The following RWDD2B variants were observed in gnomAD, a reference collection of about 807,000 sequenced individuals.
RWDD2B encodes RWD domain containing 2B, also known as RWD domain-containing protein 2B.
A neutral mutation model predicts 33.6 loss-of-function variants in RWDD2B; 36 were observed. The observed-to-expected ratio is 1.07, with a 90% CI of 0.82 to 1.42. The LOEUF is 1.42. Among genes scored for constraint, RWDD2B ranks in the 40% most tolerant of loss-of-function variants. The probability of loss-of-function intolerance (pLI) is 0.00; values close to 1 mark genes in which losing one functional copy is unlikely to be tolerated. For synonymous variants in RWDD2B, 126 were observed against 133.1 expected (o/e 0.95, Z 0.37); for missense variants, 364 against 377.5 (o/e 0.96, Z 0.30).
At position 29,004,999 on chromosome 21, in the gene RWDD2B, A is replaced by G. The variant is rs1292144695; in HGVS notation, c.*1418T>C. On this transcript the variant is annotated 3_prime_UTR_variant, in exon 5 of 5. Transcript: ENST00000493196. Reference sequence around the variant, plus strand: ...AGTCTGACTGGTCAAGAAATATCCAACACCTGGTATCAACCTGCATCAACC... The same window carrying G: ...AGTCTGACTGGTCAAGAAATATCCAGCACCTGGTATCAACCTGCATCAACC... 1.3e-5 allele frequency: 2 copies of G among 152,184 alleles called. No homozygotes were observed. The highest frequency in any genetic ancestry group is 2.4e-5 in the African/African-American group (1 of 41,438). 9.4% of individuals were successfully genotyped at this position (152,184 alleles called of 1,614,324 possible).
rs2084836755 is a variant in RWDD2B at position 29,007,914 on chromosome 21, C to T, written c.572G>A (p.Trp191Ter). The T allele has an allele frequency of 1.2e-6, 2 of 1,614,082 alleles. No homozygotes were observed. Among genetic ancestry groups the T allele is most frequent in the Non-Finnish European group, 8.5e-7 (1 of 1,180,050 alleles). The change falls in exon 4 of 5, where the codon TGG (tryptophan) becomes TAG (stop). Residue 191 changes from tryptophan to a stop codon, truncating the protein, a stop_gained. Coordinates refer to ENST00000493196, the MANE Select transcript of RWDD2B (RefSeq NM_016940.3). LOFTEE classifies it high-confidence loss of function. Reference protein sequence around the residue: ...QSVDLIFTRLWIYSHHIYNKC... With the variant: ...QSVDLIFTRL ...GTTATAGATATGATGGCTGTAGATC[C>T]AGAGTCTCGTGAAGATGAGGTCAAC...
At chr21:29,006,758 A>G in intron 4 of RWDD2B, 107 bp from the exon 5 acceptor site, 1 of 672,716 alleles carries the variant, frequency 1.5e-6, no homozygotes, top group South Asian at 2.0e-5. Flanking sequence ...GAAGTAGTCT[A>G]CTTTTTAAAA....
chr21:29,017,386 C>T (rs372659189), intron 1 of RWDD2B, among the ~76,000 whole-genome samples: 3 of 151,508 alleles, frequency 2.0e-5, no homozygotes, highest in African/African-American at 4.8e-5. Context: ...ATGAGGTGGG[C>T]GGATCACCTA....
intron 1 of RWDD2B, among the ~76,000 whole-genome samples, chr21:29,012,025 T>C (rs201057355): frequency 0.044 from 4,656 of 104,972 alleles, 401 homozygotes; most frequent in Admixed American, 0.071. Flanking sequence ...AGCCGCCCTG[T>C]CCGGGAGGTG....
Position 29,013,737 on chromosome 21 carries a change from T to C in RWDD2B, c.68-5116A>G, listed in dbSNP as rs937593011. On this transcript the variant is annotated intron_variant, in intron 1 of 4. Coordinates refer to ENST00000493196, the MANE Select transcript of RWDD2B (RefSeq NM_016940.3). ...TAAAGATTAATACAGAAAAAGACGA[T>C]ATGTTTATAACGTAGAATTTTCCCT... Among the ~76,000 whole-genome samples the C allele has an allele frequency of 4.0e-5, 6 of 150,362 alleles. No individual in the cohort carries two copies. In the South Asian group the frequency reaches 6.3e-4, roughly 16 times the overall value.
In RWDD2B at chr21:29,006,442, A is replaced by T; in HGVS notation, c.935T>A (p.Met312Lys). 2 of 1,612,278 alleles carry T rather than the reference A, an allele frequency of 1.2e-6. No homozygotes were observed. The highest frequency in any genetic ancestry group is 1.7e-6 in the Non-Finnish European group (2 of 1,178,920). The change falls in exon 5 of 5, where the codon ATG (methionine) becomes AAG (lysine). Residue 312 changes from methionine to lysine, a missense_variant. By Grantham distance (95) the Met-to-Lys change is moderately conservative. Transcript: ENST00000493196. ...NTKGCGDVFQ[M>K]FFGVEGQ ...TCATTGTCCTTCTACACCAAAGAAC[A>T]TCTGGAAAACATCCCCACATCCTTT...
chr21:29,013,614 G>A (rs961725767), intron 1 of RWDD2B, among the ~76,000 whole-genome samples: 7 of 151,368 alleles, frequency 4.6e-5, no homozygotes, highest in Admixed American at 6.6e-5. Context: ...GCGTGAACTC[G>A]GGAGGCGGAG....
At chr21:29,019,188 G>A in intron 1 of RWDD2B, 23 bp downstream of exon 1, 4 of 1,579,824 alleles carry the variant, frequency 2.5e-6, no homozygotes, top group Non-Finnish European at 2.6e-6. Flanking sequence ...GTCACCACTG[G>A]CGCTAGCTGA....
chr21:29,017,058 A>C (rs1215829930), intron 1 of RWDD2B, among the ~76,000 whole-genome samples: 3 of 151,742 alleles, frequency 2.0e-5, no homozygotes, highest in Non-Finnish European at 1.5e-5. Flanking sequence ...TTTTTAGTAG[A>C]GACGGGGTTT....
intron 1 of RWDD2B, among the ~76,000 whole-genome samples, chr21:29,014,783 T>C (rs566948001): frequency 6.6e-6 from 1 of 152,176 alleles, no homozygotes; most frequent in Non-Finnish European, 1.5e-5. Context: ...ATACAGCCAC[T>C]GCACTCCAGC....
In RWDD2B at chr21:29,008,546, C is replaced by T. The variant is rs769026672; in HGVS notation, c.143G>A (p.Ser48Asn). 2 of 1,614,164 alleles carry T rather than the reference C, an allele frequency of 1.2e-6. No homozygotes were observed. The highest frequency in any genetic ancestry group is 2.2e-5 in the South Asian group (2 of 91,088). The change falls in exon 2 of 5, where the codon AGT (serine) becomes AAT (asparagine). Residue 48 changes from serine to asparagine, a missense_variant. Transcript: ENST00000493196. ...AQLAELDLLASMFPGENELIV... is the reference protein window; with the variant it reads ...AQLAELDLLANMFPGENELIV... The stretch of plus-strand genomic sequence containing the variant: ...GAGCTCATTCTCACCAGGGAACATA[C>T]TGGCTAGCAGGTCTAACTCAGCAAG...
chr21:29,008,610 A>G lies in RWDD2B; in HGVS notation c.79T>C (p.Cys27Arg), dbSNP rs756820087. ...EGATAQETYT[C>R]PKMIEMEQAE... ...TGCTCCATCTCAATCATTTTTGGAC[A>G]TGTGTAAGTTTCTAAGGAGGTAAAG... is the stretch of plus-strand genomic sequence containing the variant. Residue 27 changes from cysteine (C) to arginine (R), a missense_variant, in exon 2 of 5, where the codon TGT becomes CGT. Coordinates refer to ENST00000493196, the MANE Select transcript of RWDD2B (RefSeq NM_016940.3). The G allele has an allele frequency of 1.9e-6, 3 of 1,612,244 alleles. No individual in the cohort carries two copies. Among genetic ancestry groups the G allele is most frequent in the Non-Finnish European group, 2.5e-6 (3 of 1,179,486 alleles).
chr21:29,017,763 G>T (rs1340010502), intron 1 of RWDD2B, among the ~76,000 whole-genome samples: 1 of 152,202 alleles, frequency 6.6e-6, no homozygotes, highest in African/African-American at 2.4e-5. Flanking sequence ...TGACTGTAGG[G>T]AAGAGACTTT....
intron 1 of RWDD2B, among the ~76,000 whole-genome samples, chr21:29,011,206 G>C (rs13048501): frequency 0.89 from 133,712 of 150,362 alleles, 59,752 homozygotes; most frequent in African/African-American, 0.95. Context: ...CAGCCGCCCT[G>C]CCATCTAGGA....
intron 3 of RWDD2B, 51 bp downstream of exon 3, chr21:29,008,189 T>A (rs902613607): frequency 6.2e-7 from 1 of 1,610,330 alleles, no homozygotes; most frequent in Admixed American, 1.7e-5. Flanking sequence ...ATTGCTTTTA[T>A]TCTCAGATTA....
chr21:29,008,528 T>C lies in RWDD2B; in HGVS notation c.161A>G (p.Asn54Ser). 1 of 1,613,374 alleles carries C rather than the reference T, an allele frequency of 6.2e-7. No individual in the cohort carries two copies. Among genetic ancestry groups the C allele is most frequent in the Non-Finnish European group, 8.5e-7 (1 of 1,179,324 alleles). Residue 54 changes from asparagine (N) to serine (S), a missense_variant, in exon 2 of 5, where the codon AAT becomes AGT. By Grantham distance (46) the Asn-to-Ser change is conservative (BLOSUM62 1). Coordinates refer to ENST00000493196, the MANE Select transcript of RWDD2B (RefSeq NM_016940.3). Reference sequence around the variant, plus strand: ...CAGCTGGTCATTCACTATGAGCTCATTCTCACCAGGGAACATACTGGCTAG... The same window carrying C: ...CAGCTGGTCATTCACTATGAGCTCACTCTCACCAGGGAACATACTGGCTAG... The part of the protein sequence containing the change: ...DLLASMFPGE[N>S]ELIVNDQLAV...
chr21:29,019,034 G>C (rs1313052075), intron 1 of RWDD2B, among the ~76,000 whole-genome samples, 177 bp downstream of exon 1: 4 of 152,174 alleles, frequency 2.6e-5, no homozygotes, highest in African/African-American at 7.2e-5. Flanking sequence ...TCCCCGGCTG[G>C]AGCAGGGCTG....
Position 29,008,389 on chromosome 21 carries a change from A to G in RWDD2B, c.294+6T>C. 1 of 1,613,728 alleles carries G rather than the reference A, an allele frequency of 6.2e-7. No individual in the cohort carries two copies. The highest frequency in any genetic ancestry group is 8.5e-7 in the Non-Finnish European group (1 of 1,179,664). On this transcript the variant is annotated splice_donor_region_variant and intron_variant, in intron 2 of 4. Transcript: ENST00000493196. ...TTCAATCCCTCTAAAAGCAAAACTG[A>G]ATTACCATTTTTTCGTCAGATACAT...
chr21:29,006,731 A>G, intron 4 of RWDD2B, 80 bp from the exon 5 acceptor site: 6 of 784,680 alleles, frequency 7.6e-6, no homozygotes, highest in Non-Finnish European at 1.2e-5. Context: ...AAACAGATTT[A>G]TCAATGCCTT....
Sources: allele counts gnomAD v4.1 joint callset (sites outside exome capture counted in the v4.1 genomes callset), GRCh38; gene constraint gnomAD v4.1.1; transcripts MANE v1.5; gene names NCBI Gene and HGNC (gene_info 2026-07-23, HGNC 2026-07-21).